Variants in RANBP2 observed in about 807,000 individuals in gnomAD.
RANBP2 encodes the protein RAN binding protein 2, also known as E3 SUMO-protein ligase RanBP2.
In RANBP2, 57 loss-of-function variants were observed where a neutral mutation model predicts 303.6. The ratio of observed to expected loss-of-function variants is 0.19; its 90% CI spans 0.15 to 0.23. RANBP2 has a LOEUF of 0.23. RANBP2 is among the 10% of genes least tolerant of loss of function. The pLI is 1.00. For synonymous variants in RANBP2, 1,167 were observed against 1,301.5 expected (o/e 0.90, Z 2.23); for missense variants, 3,138 against 3,780.8 (o/e 0.83, Z 4.46).
the RANBP2 span, among the ~76,000 whole-genome samples, chr2:109,532,753 C>A: frequency 1.3e-5 from 2 of 151,686 alleles, no homozygotes; most frequent in African/African-American, 4.8e-5. Flanking sequence ...GCTCTAATAA[C>A]CTCCTGACAG....
At chr2:109,486,503 G>A in the RANBP2 span, among the ~76,000 whole-genome samples, 1 of 152,190 alleles carries the variant, frequency 6.6e-6, no homozygotes, top group African/African-American at 2.4e-5. Context: ...TCAGAGATGA[G>A]TAAACACATT....
chr2:109,500,465 A>T, the RANBP2 span, among the ~76,000 whole-genome samples: 33 of 152,128 alleles, frequency 2.2e-4, no homozygotes, highest in Non-Finnish European at 3.5e-4. Flanking sequence ...CCTGTCTCTG[A>T]TTCCACACTA....
chr2:109,545,371 AT>A, the RANBP2 span: 4 of 1,519,110 alleles, frequency 2.6e-6, no homozygotes, highest in Middle Eastern at 3.4e-4. Flanking sequence ...TGGGTAACTG[AT>A]TTTAACACAT....
the RANBP2 span, among the ~76,000 whole-genome samples, chr2:109,044,736 G>A: frequency 6.6e-6 from 1 of 152,104 alleles, no homozygotes; most frequent in African/African-American, 2.4e-5. Context: ...CTAGGGGAGA[G>A]AGACTGGCTG....
chr2:109,189,600 C>A, the RANBP2 span, among the ~76,000 whole-genome samples: 1 of 152,076 alleles, frequency 6.6e-6, no homozygotes, highest in Non-Finnish European at 1.5e-5. Flanking sequence ...AACTCCTGAC[C>A]TCATGATCTT....
the RANBP2 span, among the ~76,000 whole-genome samples, chr2:109,341,177 T>C: frequency 6.1e-3 from 926 of 152,226 alleles, 4 homozygotes; most frequent in South Asian, 0.011. Context: ...AACAAAAAGT[T>C]TGGACCCAAC....
chr2:108,720,265 T>A lies in RANBP2; in HGVS notation c.72+587T>A. The A allele has an allele frequency of 1.4e-5, 13 of 903,346 alleles. 2 individuals are homozygous for A. Among genetic ancestry groups the A allele is most frequent in the Non-Finnish European group, 1.7e-5 (13 of 763,460 alleles). The allele number at this position is 903,346 out of a possible 1,614,324, so 56.0% of individuals were successfully genotyped here. ...TTTGAGTATGAGGTGTTTGTCGCTG[T>A]CCCTTTGTAAGGGTCCAGCTCCACT... On this transcript the variant is annotated intron_variant, in intron 1 of 28. Coordinates refer to ENST00000283195, the MANE Select transcript of RANBP2 (RefSeq NM_006267.5).
intron 7 of RANBP2, among the ~76,000 whole-genome samples, chr2:108,743,799 TC>T (rs200085088): frequency 0.028 from 4,209 of 152,354 alleles, 76 homozygotes; most frequent in Middle Eastern, 0.082. Flanking sequence ...AAATGTTTCT[TC>T]ATTGTTCCAC....
the RANBP2 span, chr2:108,882,940 A>T: frequency 6.6e-6 from 1 of 151,730 alleles, no homozygotes; most frequent in Non-Finnish European, 1.5e-5. Flanking sequence ...AGGAGCATCG[A>T]GATTAAAGGG....
the RANBP2 span, among the ~76,000 whole-genome samples, chr2:109,022,868 T>C: frequency 1.3e-5 from 2 of 151,932 alleles, no homozygotes; most frequent in African/African-American, 4.8e-5. Context: ...CTGACCAATA[T>C]GGTGAAACTC....
At chr2:108,829,363 G>A in the RANBP2 span, among the ~76,000 whole-genome samples, 30 of 152,250 alleles carry the variant, frequency 2.0e-4, no homozygotes, top group African/African-American at 5.8e-4. Context: ...TAAAGAAATG[G>A]CCCCTAAGCT....
the RANBP2 span, chr2:109,128,849 C>A: frequency 4.0e-6 from 1 of 247,754 alleles, no homozygotes; most frequent in South Asian, 3.3e-5. Context: ...AGGAGAGGTT[C>A]CCCGGAGCCC....
At chr2:108,786,716 T>A, downstream of RANBP2, 2 of 1,067,512 alleles carry the variant, frequency 1.9e-6, no homozygotes, top group Non-Finnish European at 2.8e-6. Flanking sequence ...CCGCCGTGCG[T>A]GCCTCGGGGG....
chr2:108,889,343 T>C, the RANBP2 span, among the ~76,000 whole-genome samples: 1 of 152,142 alleles, frequency 6.6e-6, no homozygotes, highest in Non-Finnish European at 1.5e-5. Context: ...TCCAATGCTT[T>C]TTGATTTTCT....
chr2:109,357,933 C>G, the RANBP2 span, among the ~76,000 whole-genome samples: 1 of 152,160 alleles, frequency 6.6e-6, no homozygotes, highest in Non-Finnish European at 1.5e-5. Flanking sequence ...CGTTATTACT[C>G]TAAGCCTATA....
the RANBP2 span, among the ~76,000 whole-genome samples, chr2:109,105,345 C>T: frequency 5.3e-5 from 8 of 152,240 alleles, no homozygotes; most frequent in South Asian, 8.3e-4. Flanking sequence ...CACATACGGC[C>T]CTTCCCAAGT....
chr2:108,928,882 C>T, the RANBP2 span, among the ~76,000 whole-genome samples: 2 of 152,132 alleles, frequency 1.3e-5, no homozygotes, highest in African/African-American at 4.8e-5. Context: ...TTTCTTTTTC[C>T]CAAAGTGTTT....
At chr2:109,764,284 C>T in the RANBP2 span, among the ~76,000 whole-genome samples, 2 of 147,658 alleles carry the variant, frequency 1.4e-5, no homozygotes, top group African/African-American at 5.0e-5. Flanking sequence ...TTTACAGGGG[C>T]AGCAGATATG....
In RANBP2 at chr2:108,751,884, G is replaced by C. The variant is rs1457719619; in HGVS notation, c.1645G>C (p.Ala549Pro). The change falls in exon 12 of 29, where the codon GCA (alanine) becomes CCA (proline). Residue 549 changes from alanine (A) to proline (P), a missense_variant. Transcript: ENST00000283195. ...ACTATTTTTTAGACCTGGAAACGTAGCAAAATTGAGACTTCTAGTTCAGCA... is the reference window on the plus strand; with the variant it reads ...ACTATTTTTTAGACCTGGAAACGTACCAAAATTGAGACTTCTAGTTCAGCA... ...IHRKAVPGNV[A>P]KLRLLVQHEI... 1.2e-6 allele frequency: 2 copies of C among 1,611,914 alleles called. No homozygotes were observed.
Sources: allele counts gnomAD v4.1 joint callset (sites outside exome capture counted in the v4.1 genomes callset), GRCh38; gene constraint gnomAD v4.1.1; transcripts MANE v1.5; gene names NCBI Gene and HGNC (gene_info 2026-07-23, HGNC 2026-07-21).